The following MIPOL1 variants were observed in gnomAD, a reference collection of about 807,000 sequenced individuals.
MIPOL1 encodes the protein mirror-image polydactyly 1.
A neutral mutation model predicts 60.9 loss-of-function variants in MIPOL1; 57 were observed. That is an observed-to-expected ratio of 0.94 (90% confidence interval 0.76 to 1.17). MIPOL1 has a LOEUF of 1.17. MIPOL1 is among the 50% of genes most tolerant of loss of function. The pLI, the probability that MIPOL1 is intolerant of heterozygous loss-of-function variation, is 0.00. For missense variants in MIPOL1, 551 were observed against 511.6 expected, an observed-to-expected ratio of 1.08 and a Z score of -0.74; for synonymous variants, 179 against 168.8, an observed-to-expected ratio of 1.06 and a Z score of -0.47.
At chr14:37,363,500 G>A (rs4522332) in intron 9 of MIPOL1, among the ~76,000 whole-genome samples, 147,496 of 152,258 alleles carry the variant, frequency 0.97, 71,518 homozygotes, top group East Asian at 1. Flanking sequence ...CCTTTTTCTG[G>A]AAGCTTCATC....
chr14:37,390,567 A>G lies in MIPOL1; in HGVS notation c.936+20943A>G, dbSNP rs143536820. 4.3e-4 allele frequency among the ~76,000 whole-genome samples: 65 copies of G among 152,256 alleles called. 2 individuals are homozygous for G. The East Asian group carries it at 0.012, about 28-fold the overall frequency. ...AAGTAGGAGAAATAAGAGAAAATAA[A>G]TGAAAATATTAAGCATTTCATTATA... On this transcript the variant is annotated intron_variant, in intron 10 of 12. Coordinates refer to ENST00000684589, the MANE Select transcript of MIPOL1 (RefSeq NM_001388067.1).
chr14:37,341,459 T>G (rs1433272754), intron 9 of MIPOL1, among the ~76,000 whole-genome samples: 1 of 152,236 alleles, frequency 6.6e-6, no homozygotes, highest in African/African-American at 2.4e-5. Flanking sequence ...ATAGACATTG[T>G]TAGGAATGAA....
chr14:37,310,491 C>T (rs1428917487), intron 9 of MIPOL1, among the ~76,000 whole-genome samples: 1 of 152,136 alleles, frequency 6.6e-6, no homozygotes, highest in African/African-American at 2.4e-5. Flanking sequence ...TGTGCTCTGC[C>T]TTTTCTACTT....
intron 1 of MIPOL1, among the ~76,000 whole-genome samples, chr14:37,245,008 C>T (rs1972966633): frequency 6.6e-6 from 1 of 152,034 alleles, no homozygotes; most frequent in Non-Finnish European, 1.5e-5. Context: ...AGTTTAATGT[C>T]TGAATCCAAA....
chr14:37,222,622 C>T (rs76251644), intron 1 of MIPOL1, among the ~76,000 whole-genome samples: 3,084 of 152,182 alleles, frequency 0.02, 33 homozygotes, highest in Middle Eastern at 0.027. Flanking sequence ...TTTCCAATAC[C>T]TTGTTCTTCA....
intron 7 of MIPOL1, among the ~76,000 whole-genome samples, chr14:37,287,802 A>T (rs2084702281): frequency 6.6e-6 from 1 of 151,964 alleles, no homozygotes. Flanking sequence ...TTTATTTTTT[A>T]AAATTGAATA....
intron 12 of MIPOL1, among the ~76,000 whole-genome samples, chr14:37,536,996 A>C (rs2095509155): frequency 6.6e-6 from 1 of 152,152 alleles, no homozygotes; most frequent in Admixed American, 6.5e-5. Flanking sequence ...TTTTGCTGAA[A>C]GTTGGCTTTT....
chr14:37,371,200 A>C (rs141301864), intron 10 of MIPOL1, among the ~76,000 whole-genome samples: 2 of 150,416 alleles, frequency 1.3e-5, no homozygotes, highest in East Asian at 3.9e-4. Flanking sequence ...GCTCACTTCA[A>C]ACTCTGCCCT....
intron 9 of MIPOL1, among the ~76,000 whole-genome samples, chr14:37,361,281 G>T (rs981864088): frequency 2.0e-5 from 3 of 152,168 alleles, no homozygotes; most frequent in African/African-American, 7.2e-5. Flanking sequence ...GTACTGAGAA[G>T]AATATGTATT....
intron 9 of MIPOL1, among the ~76,000 whole-genome samples, chr14:37,335,686 C>T (rs1595202417): frequency 6.6e-6 from 1 of 152,068 alleles, no homozygotes; most frequent in East Asian, 1.9e-4. Context: ...TTGCTTCTAA[C>T]TTTGGCCATT....
rs528396786 is a variant in MIPOL1 at position 37,459,801 on chromosome 14, G to C, written c.1031+36852G>C. On this transcript the variant is annotated intron_variant, in intron 11 of 12. Coordinates refer to ENST00000684589, the MANE Select transcript of MIPOL1 (RefSeq NM_001388067.1). ...ATTTTAGCAAACAGGCTGGGTGGGC[G>C]TGGTGGCTCATGCCTATAATCCCAG... Among the ~76,000 whole-genome samples the C allele has an allele frequency of 3.8e-4, 58 of 152,262 alleles. No homozygotes were observed. The South Asian group carries it at 0.011, about 29-fold the overall frequency.
rs1276821716 is a variant in MIPOL1, at chr14:37,416,228, CTT to C, written c.937-6625_937-6624del. ...TTAACAAAAAATATTAAAATCAAGT[CTT>C]TAAAATGTATTCTCTTTTTACAGGT... On this transcript the variant is annotated intron_variant, in intron 10 of 12. Coordinates refer to ENST00000684589, the MANE Select transcript of MIPOL1 (RefSeq NM_001388067.1). Among the ~76,000 whole-genome samples the C allele has an allele frequency of 1.4e-4, 22 of 152,220 alleles. No homozygotes were observed. The East Asian group carries it at 4.2e-3, about 29-fold the overall frequency.
chr14:37,338,557 C>T (rs1186172209), intron 9 of MIPOL1, among the ~76,000 whole-genome samples: 2 of 151,232 alleles, frequency 1.3e-5, no homozygotes, highest in Non-Finnish European at 2.9e-5. Context: ...CATAGGTGTG[C>T]GCCACCATGC....
At chr14:37,420,238 CTAG>C (rs2093848248) in intron 10 of MIPOL1, among the ~76,000 whole-genome samples, 1 of 152,006 alleles carries the variant, frequency 6.6e-6, no homozygotes, top group Non-Finnish European at 1.5e-5. Flanking sequence ...GGACAGATAA[CTAG>C]TAGTCTCAGG....
rs773916137 is a variant in MIPOL1, at chr14:37,500,020, C to T, written c.1144C>T (p.Gln382Ter). The change falls in exon 12 of 13, where the codon CAA becomes TAA. Residue 382 changes from glutamine (Q) to a stop codon, truncating the protein, a stop_gained. Transcript: ENST00000684589. LOFTEE classifies it high-confidence loss of function. ...AGAGAACATTGTTTCCATCACTCAA[C>T]AACAAAATGAGGAACTGGCTACTCA... ...NRENIVSITQ[Q>*]QNEELATQLQ... 7 of 1,613,746 alleles carry T rather than the reference C, an allele frequency of 4.3e-6. No homozygotes were observed. In the South Asian group the frequency reaches 7.7e-5, roughly 18 times the overall value.
chr14:37,421,518 C>T (rs763746834), intron 10 of MIPOL1, among the ~76,000 whole-genome samples: 11 of 152,154 alleles, frequency 7.2e-5, no homozygotes, highest in Non-Finnish European at 1.3e-4. Flanking sequence ...CATTCTTTGA[C>T]GTTAAGAATC....
chr14:37,258,246 A>G (rs1274109538), intron 3 of MIPOL1, among the ~76,000 whole-genome samples: 1 of 152,124 alleles, frequency 6.6e-6, no homozygotes, highest in East Asian at 1.9e-4. Flanking sequence ...CCTCTTTATT[A>G]TTGGAAAATT....
chr14:37,436,669 G>T (rs567393214), intron 11 of MIPOL1, among the ~76,000 whole-genome samples: 11 of 152,236 alleles, frequency 7.2e-5, no homozygotes, highest in Non-Finnish European at 1.5e-4. Flanking sequence ...GACTGAGGAT[G>T]ATGATGACGA....
chr14:37,380,865 G>A (rs904873824), intron 10 of MIPOL1, among the ~76,000 whole-genome samples: 3 of 152,064 alleles, frequency 2.0e-5, no homozygotes, highest in Non-Finnish European at 4.4e-5. Context: ...ATTTTTAGTA[G>A]GAGGCTGAAT....
Sources: gnomAD v4.1 joint callset for allele counts (sites outside exome capture counted in the v4.1 genomes callset) on GRCh38, gnomAD v4.1.1 for gene constraint, MANE v1.5 for transcripts, NCBI Gene and HGNC (gene_info 2026-07-23, HGNC 2026-07-21) for gene names.